The following ZNF407 variants were observed in gnomAD, a reference collection of about 807,000 sequenced individuals.
ZNF407 encodes the protein zinc finger protein 407.
Under a neutral mutation model 131.2 loss-of-function variants are expected in ZNF407, and 17 were observed. The ratio of observed to expected loss-of-function variants is 0.13; its 90% CI spans 0.09 to 0.19. The LOEUF is 0.19. Ranked by LOEUF, ZNF407 falls within the 10% of genes least tolerant of loss-of-function variation. The pLI, the probability that ZNF407 is intolerant of heterozygous loss-of-function variation, is 1.00. For missense variants in ZNF407, 2,681 were observed against 2,830.6 expected (o/e 0.95, Z 1.20); for synonymous variants, 1,156 against 1,062.0 (o/e 1.09, Z -1.72).
At chr18:75,049,436 G>A (rs1182870443) in intron 8 of ZNF407, among the ~76,000 whole-genome samples, 1 of 152,090 alleles carries the variant, frequency 6.6e-6, no homozygotes, top group African/African-American at 2.4e-5. Flanking sequence ...ATAGGCCCAC[G>A]CGTATTCAGC....
chr18:74,752,138 T>G (rs1968819689), intron 3 of ZNF407, among the ~76,000 whole-genome samples: 2 of 152,226 alleles, frequency 1.3e-5, no homozygotes, highest in African/African-American at 4.8e-5. Flanking sequence ...GATGAGCATT[T>G]TTTCATGTGT....
intron 8 of ZNF407, among the ~76,000 whole-genome samples, chr18:74,977,619 T>G (rs1232982889): frequency 6.6e-6 from 1 of 152,220 alleles, no homozygotes; most frequent in Non-Finnish European, 1.5e-5. Flanking sequence ...AGTATAGATG[T>G]CTCACATCTT....
At chr18:74,791,206 T>C (rs1157180873) in intron 4 of ZNF407, among the ~76,000 whole-genome samples, 1 of 152,204 alleles carries the variant, frequency 6.6e-6, no homozygotes, top group African/African-American at 2.4e-5. Flanking sequence ...TAAGGCACTC[T>C]TTGATACTTT....
intron 8 of ZNF407, among the ~76,000 whole-genome samples, chr18:75,029,165 T>C (rs540111745): frequency 6.6e-6 from 1 of 152,318 alleles, no homozygotes; most frequent in African/African-American, 2.4e-5. Context: ...CTTTCCATGT[T>C]CTGCTTGTTT....
In ZNF407 at chr18:74,895,387, C is replaced by G. The variant is rs1170450907; in HGVS notation, c.5249+5349C>G. Among the ~76,000 whole-genome samples, 3 of 152,088 alleles carry G rather than the reference C, an allele frequency of 2.0e-5. No homozygotes were observed. In the East Asian group the frequency reaches 5.8e-4, roughly 29 times the overall value. On this transcript the variant is annotated intron_variant, in intron 7 of 8. Coordinates refer to ENST00000299687, the MANE Select transcript of ZNF407 (RefSeq NM_017757.3). ...TATTTCTAATCAAATTTCTCAAGTT[C>G]TTACATGTGTGACTGGCACAGGGCA...
chr18:74,959,306 A>G (rs1972312104), intron 8 of ZNF407, among the ~76,000 whole-genome samples: 1 of 152,174 alleles, frequency 6.6e-6, no homozygotes, highest in Admixed American at 6.5e-5. Context: ...TGTCATGACA[A>G]TCGTTGTTTA....
chr18:74,880,438 G>A (rs1242705443), intron 5 of ZNF407, among the ~76,000 whole-genome samples: 2 of 152,150 alleles, frequency 1.3e-5, no homozygotes, highest in East Asian at 1.9e-4. Flanking sequence ...TGCCATGAAA[G>A]CGAGAAACAT....
At chr18:74,884,044 A>G (rs1481566835) in intron 6 of ZNF407, among the ~76,000 whole-genome samples, 1 of 152,216 alleles carries the variant, frequency 6.6e-6, no homozygotes, top group African/African-American at 2.4e-5. Context: ...TGCCTTTAAA[A>G]TGACAAAGGA....
intron 4 of ZNF407, among the ~76,000 whole-genome samples, chr18:74,798,112 A>C (rs1969954805): frequency 6.6e-6 from 1 of 152,038 alleles, no homozygotes; most frequent in South Asian, 2.1e-4. Flanking sequence ...CTGAATCATA[A>C]AATACAAACC....
chr18:75,016,399 A>G (rs1442893052), intron 8 of ZNF407, among the ~76,000 whole-genome samples: 2 of 152,158 alleles, frequency 1.3e-5, no homozygotes, highest in African/African-American at 4.8e-5. Flanking sequence ...ATTTCACCAT[A>G]AGAATCATCA....
chr18:75,001,978 A>G (rs1313305664), intron 8 of ZNF407, among the ~76,000 whole-genome samples: 1 of 152,176 alleles, frequency 6.6e-6, no homozygotes, highest in Admixed American at 6.5e-5. Flanking sequence ...ATGCACAGGC[A>G]GCCCCCATAC....
chr18:74,685,602 G>A (rs888879472), intron 3 of ZNF407, among the ~76,000 whole-genome samples: 20 of 152,104 alleles, frequency 1.3e-4, no homozygotes, highest in Non-Finnish European at 5.9e-5. Context: ...TGACTATTCC[G>A]GCTGTTCTCC....
intron 3 of ZNF407, among the ~76,000 whole-genome samples, chr18:74,711,104 T>C (rs1283324506): frequency 1.3e-5 from 2 of 151,926 alleles, no homozygotes; most frequent in Non-Finnish European, 2.9e-5. Flanking sequence ...TCTCCATGGA[T>C]GCTATTAATG....
At chr18:74,871,973 G>A (rs901451412) in intron 4 of ZNF407, among the ~76,000 whole-genome samples, 3 of 151,632 alleles carry the variant, frequency 2.0e-5, no homozygotes, top group Non-Finnish European at 2.9e-5. Context: ...GGGTTCAAGC[G>A]ATTCTCCTGC....
intron 3 of ZNF407, among the ~76,000 whole-genome samples, chr18:74,748,221 T>C (rs1968715919): frequency 6.6e-6 from 1 of 152,046 alleles, no homozygotes; most frequent in African/African-American, 2.4e-5. Flanking sequence ...TCAATAATTT[T>C]CACACAGCAA....
chr18:74,878,888 C>CAAAAAAAAAAA (rs573213763), intron 5 of ZNF407, among the ~76,000 whole-genome samples: 1 of 94,178 alleles, frequency 1.1e-5, no homozygotes, highest in Non-Finnish European at 2.2e-5. Flanking sequence ...CAACCCACTC[C>CAAAAAAAAAAA]AAAAAAAAAA....
intron 7 of ZNF407, among the ~76,000 whole-genome samples, chr18:74,916,552 AGTGTGT>A (rs372779801): frequency 2.6e-4 from 15 of 57,370 alleles, no homozygotes; most frequent in African/African-American, 7.7e-4. Flanking sequence ...TCGAATCGGG[AGTGTGT>A]GTGTGTGTGT....
At chr18:74,666,670 A>G (rs974361801) in intron 3 of ZNF407, among the ~76,000 whole-genome samples, 2 of 152,172 alleles carry the variant, frequency 1.3e-5, no homozygotes, top group African/African-American at 4.8e-5. Flanking sequence ...TGGTGTGTTA[A>G]TTAGTTAGCT....
At chr18:74,919,116 T>A (rs1444864306) in intron 7 of ZNF407, among the ~76,000 whole-genome samples, 1 of 152,198 alleles carries the variant, frequency 6.6e-6, no homozygotes, top group Non-Finnish European at 1.5e-5. Flanking sequence ...ATACCTTTCC[T>A]AGTGCCATTT....
Sources: gnomAD v4.1 joint callset for allele counts (sites outside exome capture counted in the v4.1 genomes callset) on GRCh38, gnomAD v4.1.1 for gene constraint, MANE v1.5 for transcripts, NCBI Gene and HGNC (gene_info 2026-07-23, HGNC 2026-07-21) for gene names.